The following EVC2 variants were observed in gnomAD, a reference collection of about 807,000 sequenced individuals.
EVC2 encodes limbin.
A neutral mutation model predicts 149.3 loss-of-function variants in EVC2; 148 were observed. The observed-to-expected ratio is 0.99, with a 90% CI of 0.87 to 1.14. The LOEUF is 1.14. EVC2 is among the 50% of genes most tolerant of loss of function. EVC2 has a pLI of 0.00. For synonymous variants in EVC2, 776 were observed against 649.9 expected (o/e 1.19, Z -2.95); for missense variants, 1,854 against 1,627.3 (o/e 1.14, Z -2.40).
chr4:5,706,130 C>T (rs1434154530), intron 1 of EVC2, among the ~76,000 whole-genome samples: 3 of 151,840 alleles, frequency 2.0e-5, no homozygotes, highest in Non-Finnish European at 4.4e-5. Flanking sequence ...CTAAACCTGC[C>T]CATCCTTCAA....
chr4:5,554,594 ACCAC>A, intron 21 of EVC2, among the ~76,000 whole-genome samples: 1 of 152,252 alleles, frequency 6.6e-6, no homozygotes, highest in East Asian at 1.9e-4. Flanking sequence ...TCCCCAGCAC[ACCAC>A]CAGAGGGAAG....
chr4:5,605,253 G>A (rs747512256), intron 16 of EVC2, among the ~76,000 whole-genome samples: 19 of 152,214 alleles, frequency 1.2e-4, no homozygotes, highest in African/African-American at 2.2e-4. Flanking sequence ...GGACTTAGCC[G>A]AAGACTTGAG....
At chr4:5,570,622 C>T (rs143836277) in intron 19 of EVC2, among the ~76,000 whole-genome samples, 155 of 152,256 alleles carry the variant, frequency 1.0e-3, no homozygotes, top group Non-Finnish European at 1.1e-3. Flanking sequence ...AATTACCATT[C>T]GATCCAGCAG....
At chr4:5,553,129 G>T (rs1721772535) in intron 21 of EVC2, among the ~76,000 whole-genome samples, 1 of 152,168 alleles carries the variant, frequency 6.6e-6, no homozygotes, top group Admixed American at 6.5e-5. Flanking sequence ...TATACAGGAA[G>T]CATGATGCTG....
At position 5,577,708 on chromosome 4, in the gene EVC2, G is replaced by A. The variant is rs1042277084; in HGVS notation, c.3058-1254C>T. 2.0e-5 allele frequency among the ~76,000 whole-genome samples: 3 copies of A among 152,284 alleles called. 1 individual carries two copies. Among genetic ancestry groups the A allele is most frequent in the South Asian group, 4.1e-4 (2 of 4,822 alleles). On this transcript the variant is annotated intron_variant, in intron 17 of 21. Coordinates refer to ENST00000344408, the MANE Select transcript of EVC2 (RefSeq NM_147127.5). ...TCTATAGCATGGACACCATCGCACG[G>A]AGAACCTTCTATCCCCCCCAAGCAT...
At chr4:5,646,745 T>G (rs754540718) in intron 9 of EVC2, among the ~76,000 whole-genome samples, 1 of 152,194 alleles carries the variant, frequency 6.6e-6, no homozygotes, top group African/African-American at 2.4e-5. Flanking sequence ...AAAACTTTTC[T>G]CAGCTTCCTG....
chr4:5,630,842 C>G (rs537411732), intron 11 of EVC2, among the ~76,000 whole-genome samples: 5 of 152,284 alleles, frequency 3.3e-5, no homozygotes, highest in African/African-American at 9.6e-5. Flanking sequence ...ATCTTATTGA[C>G]AGTCGGAATA....
rs548559880 is a variant in EVC2 at position 5,648,429 on chromosome 4, T to C, written c.1146-7591A>G. On this transcript the variant is annotated intron_variant, in intron 9 of 21. Coordinates refer to ENST00000344408, the MANE Select transcript of EVC2 (RefSeq NM_147127.5). ...TGAGCAAATGTTATGGCTGCTTGTG[T>C]TGGGAAAATGGCAGGTGCTGTACCA... Among the ~76,000 whole-genome samples the C allele has an allele frequency of 2.9e-3, 438 of 152,294 alleles. 1 individual carries two copies. Among genetic ancestry groups the C allele is most frequent in the Admixed American group, 6.0e-3 (92 of 15,296 alleles).
intron 16 of EVC2, among the ~76,000 whole-genome samples, chr4:5,611,269 T>C (rs536217019): frequency 6.6e-6 from 1 of 152,286 alleles, no homozygotes; most frequent in East Asian, 1.9e-4. Flanking sequence ...TTTTTGAGCT[T>C]AGAATGGACT....
At chr4:5,604,032 C>T (rs1438433299) in intron 16 of EVC2, among the ~76,000 whole-genome samples, 1 of 152,120 alleles carries the variant, frequency 6.6e-6, no homozygotes, top group Admixed American at 6.5e-5. Context: ...GCTTTGTGAC[C>T]TTGGATAAGC....
At chr4:5,602,047 G>A (rs143056971) in intron 16 of EVC2, among the ~76,000 whole-genome samples, 1 of 152,294 alleles carries the variant, frequency 6.6e-6, no homozygotes, top group Middle Eastern at 3.4e-3. Flanking sequence ...GGGCAAGGCA[G>A]AAGAAATGCT....
In EVC2 at chr4:5,677,473, C is replaced by T. The variant is rs892630898; in HGVS notation, c.870+3787G>A. ...TGGCTGAAATCCAGCCCCAGCTCCACGGCCAGGACTTGCATCCACAGGTCT... is the reference window on the plus strand; with the variant it reads ...TGGCTGAAATCCAGCCCCAGCTCCATGGCCAGGACTTGCATCCACAGGTCT... On this transcript the variant is annotated intron_variant, in intron 7 of 21. Transcript: ENST00000344408. The surrounding 1 kb of genome is among the most constrained non-coding windows in gnomAD (Gnocchi z 4.3). Among the ~76,000 whole-genome samples, 12 of 152,322 alleles carry T rather than the reference C, an allele frequency of 7.9e-5. No individual in the cohort carries two copies. The highest frequency in any genetic ancestry group is 1.5e-4 in the Non-Finnish European group (10 of 68,032).
chr4:5,683,376 T>C (rs1261438126), intron 6 of EVC2, among the ~76,000 whole-genome samples: 2 of 152,234 alleles, frequency 1.3e-5, no homozygotes, highest in Admixed American at 1.3e-4. Context: ...AAAGCTTGTC[T>C]TCAGCTCTTT....
At chr4:5,586,933 T>C (rs1712335310) in intron 16 of EVC2, among the ~76,000 whole-genome samples, 2 of 152,180 alleles carry the variant, frequency 1.3e-5, no homozygotes, top group South Asian at 4.1e-4. Flanking sequence ...AAATAAATTT[T>C]CTAAACTGAT....
At position 5,548,029 on chromosome 4, in the gene EVC2, G is replaced by A. The variant is rs114355918; in HGVS notation, c.3420-4817C>T. On this transcript the variant is annotated intron_variant and NMD_transcript_variant, in intron 21 of 22. Coordinates refer to the EVC2 transcript ENST00000475313. ...AGCCTCGCAGAGAGTCGGTGCCCAC[G>A]CCGGCACCTGGAGCTGCCCACCCCA... Among the ~76,000 whole-genome samples the A allele has an allele frequency of 4.2e-3, 632 of 152,180 alleles. 2 individuals carry two copies. Among genetic ancestry groups the A allele is most frequent in the Non-Finnish European group, 6.9e-3 (472 of 67,996 alleles).
chr4:5,662,071 C>T (rs1718913527), intron 9 of EVC2, among the ~76,000 whole-genome samples: 1 of 152,150 alleles, frequency 6.6e-6, no homozygotes, highest in Admixed American at 6.6e-5. Flanking sequence ...GCCTCTCTCC[C>T]CTGCTGCCTC....
At chr4:5,707,414 C>T (rs575899773) in intron 1 of EVC2, among the ~76,000 whole-genome samples, 1 of 152,104 alleles carries the variant, frequency 6.6e-6, no homozygotes, top group Non-Finnish European at 1.5e-5. Context: ...AGGGCAGCAT[C>T]AATGGGCCAG....
intron 10 of EVC2, among the ~76,000 whole-genome samples, chr4:5,634,374 C>A (rs28697963): frequency 0.097 from 14,692 of 152,178 alleles, 1,395 homozygotes; most frequent in African/African-American, 0.24. Context: ...CTAGCTGGTG[C>A]CCAGTTATGT....
In EVC2 at chr4:5,634,000, T is replaced by C. The variant is rs2108854253; in HGVS notation, c.1471-1968A>G. On this transcript the variant is annotated intron_variant, in intron 10 of 21. Coordinates refer to ENST00000344408, the MANE Select transcript of EVC2 (RefSeq NM_147127.5). This position sits in a 1 kb window ranked among gnomAD's most constrained non-coding sequence, Gnocchi z 4.4. Reference sequence around the variant, plus strand: ...AAGACAAGCATTATTTAGAGCCTTCTAAAGAGGTCCAAGGGCCAACACATG... The same window carrying C: ...AAGACAAGCATTATTTAGAGCCTTCCAAAGAGGTCCAAGGGCCAACACATG... Among the ~76,000 whole-genome samples the C allele has an allele frequency of 6.6e-6, 1 of 152,340 alleles. No homozygotes were observed.
Sources: allele counts gnomAD v4.1 joint callset (sites outside exome capture counted in the v4.1 genomes callset), GRCh38; gene constraint gnomAD v4.1.1; non-coding constraint Gnocchi (gnomAD v3.1); transcripts MANE v1.5; gene names NCBI Gene and HGNC (gene_info 2026-07-23, HGNC 2026-07-21).